KCNIP4: variants seen among roughly 807,000 people sequenced by gnomAD.
The protein encoded by KCNIP4 is potassium voltage-gated channel interacting protein 4.
In KCNIP4, 12 loss-of-function variants were observed where a neutral mutation model predicts 34.0. The ratio of observed to expected loss-of-function variants is 0.35; its 90% CI spans 0.23 to 0.57. KCNIP4 has a LOEUF of 0.57. Ranked by LOEUF, KCNIP4 falls within the 20% of genes least tolerant of loss-of-function variation. The pLI, the probability that KCNIP4 is intolerant of heterozygous loss-of-function variation, is 0.83. For missense variants in KCNIP4, 238 were observed against 311.7 expected, an observed-to-expected ratio of 0.76 and a Z score of 1.78; for synonymous variants, 124 against 102.2, an observed-to-expected ratio of 1.21 and a Z score of -1.29.
intron 3 of KCNIP4, among the ~76,000 whole-genome samples, chr4:20,835,632 C>A (rs11944918): frequency 0.02 from 3,070 of 151,900 alleles, 82 homozygotes; most frequent in African/African-American, 0.051. Flanking sequence ...TGCTGGTGAC[C>A]CTTAAATATG....
intron 1 of KCNIP4, among the ~76,000 whole-genome samples, chr4:21,214,938 A>C (rs778189248): frequency 6.6e-6 from 1 of 152,178 alleles, no homozygotes; most frequent in Non-Finnish European, 1.5e-5. Context: ...GCAATTTTTC[A>C]TTATGAGTTT....
At chr4:21,412,961 CA>C (rs1724635100) in intron 1 of KCNIP4, among the ~76,000 whole-genome samples, 1 of 152,148 alleles carries the variant, frequency 6.6e-6, no homozygotes, top group South Asian at 2.1e-4. Flanking sequence ...CACATTGCCT[CA>C]GGGGGAGCTT....
At chr4:20,903,546 A>G (rs1362604494) in intron 1 of KCNIP4, among the ~76,000 whole-genome samples, 4 of 152,208 alleles carry the variant, frequency 2.6e-5, no homozygotes, top group East Asian at 3.9e-4. Context: ...GACAAACCCA[A>G]CCAATTGCCA....
chr4:21,374,444 A>C (rs1720785123), intron 1 of KCNIP4, among the ~76,000 whole-genome samples: 1 of 147,090 alleles, frequency 6.8e-6, no homozygotes, highest in Non-Finnish European at 1.5e-5. Flanking sequence ...TATGCGGGAA[A>C]CCATACCCAT....
intron 1 of KCNIP4, among the ~76,000 whole-genome samples, chr4:21,903,452 C>T (rs909109633): frequency 6.6e-6 from 1 of 152,080 alleles, no homozygotes; most frequent in Admixed American, 6.6e-5. Context: ...AAGATTAGTG[C>T]AGAAAAGACT....
chr4:21,445,709 C>T (rs953701115), intron 1 of KCNIP4, among the ~76,000 whole-genome samples: 14 of 152,150 alleles, frequency 9.2e-5, no homozygotes, highest in African/African-American at 1.4e-4. Context: ...AGGACATAGG[C>T]GTGGGCAAAG....
intron 5 of KCNIP4, among the ~76,000 whole-genome samples, chr4:20,736,845 C>T (rs1475729149): frequency 6.6e-6 from 1 of 152,020 alleles, no homozygotes; most frequent in Non-Finnish European, 1.5e-5. Flanking sequence ...CCTGAATAGC[C>T]CAGTCAATTT....
At position 20,879,821 on chromosome 4, in the gene KCNIP4, G is replaced by A. The variant is rs1338706832; in HGVS notation, c.163+2787C>T. On this transcript the variant is annotated intron_variant, in intron 2 of 8. Transcript: ENST00000382152. ...AAAATTTTCTAATATAAATTGGGAA[G>A]CTTGCATTCAGATAAATCAGTTCTT... Among the ~76,000 whole-genome samples, 4 of 152,166 alleles carry A rather than the reference G, an allele frequency of 2.6e-5. No homozygotes were observed. The East Asian group carries it at 7.7e-4, about 29-fold the overall frequency.
At chr4:21,195,623 A>C (rs1339977429) in intron 1 of KCNIP4, among the ~76,000 whole-genome samples, 1 of 152,254 alleles carries the variant, frequency 6.6e-6, no homozygotes, top group Non-Finnish European at 1.5e-5. Context: ...GGAAACATTC[A>C]GTGCCATTCA....
At chr4:21,268,359 A>C (rs961341001) in intron 1 of KCNIP4, among the ~76,000 whole-genome samples, 2 of 152,232 alleles carry the variant, frequency 1.3e-5, no homozygotes, top group Non-Finnish European at 2.9e-5. Flanking sequence ...CAACTGAAGC[A>C]CAGAGGCCTT....
At chr4:21,078,466 C>G (rs369080049) in intron 1 of KCNIP4, among the ~76,000 whole-genome samples, 9 of 151,496 alleles carry the variant, frequency 5.9e-5, no homozygotes, top group African/African-American at 1.7e-4. Flanking sequence ...CTCATATTCT[C>G]AGAGAGAGAG....
intron 1 of KCNIP4, among the ~76,000 whole-genome samples, chr4:21,309,839 G>A (rs1560278594): frequency 6.6e-6 from 1 of 152,188 alleles, no homozygotes; most frequent in African/African-American, 2.4e-5. Context: ...AAGAAAGTAT[G>A]GAAAGTACCA....
intron 1 of KCNIP4, among the ~76,000 whole-genome samples, chr4:20,945,871 G>C (rs1266781337): frequency 6.6e-6 from 1 of 152,174 alleles, no homozygotes; most frequent in Non-Finnish European, 1.5e-5. Context: ...CAGGTTAGAG[G>C]TGAGCAGCCC....
chr4:21,946,993 A>C (rs1471943095), intron 1 of KCNIP4, among the ~76,000 whole-genome samples: 1 of 152,174 alleles, frequency 6.6e-6, no homozygotes, highest in Non-Finnish European at 1.5e-5. Flanking sequence ...TGATGGAAGA[A>C]CAGGTACAGT....
intron 1 of KCNIP4, among the ~76,000 whole-genome samples, chr4:21,864,255 A>T (rs760430372): frequency 6.6e-6 from 1 of 152,246 alleles, no homozygotes; most frequent in Non-Finnish European, 1.5e-5. Flanking sequence ...ATTCTGCATA[A>T]ACCCAAAATA....
At chr4:21,257,065 CAT>C (rs1333036994) in intron 1 of KCNIP4, among the ~76,000 whole-genome samples, 1 of 152,140 alleles carries the variant, frequency 6.6e-6, no homozygotes, top group African/African-American at 2.4e-5. Flanking sequence ...AATAAATAAA[CAT>C]TTGTTGAATT....
chr4:21,241,066 A>G (rs1178986649), intron 1 of KCNIP4, among the ~76,000 whole-genome samples: 2 of 152,186 alleles, frequency 1.3e-5, no homozygotes, highest in Non-Finnish European at 2.9e-5. Flanking sequence ...GGCATACTAC[A>G]GAGTCACTAC....
At chr4:21,271,898 G>A (rs536141049) in intron 1 of KCNIP4, among the ~76,000 whole-genome samples, 161 of 152,318 alleles carry the variant, frequency 1.1e-3, no homozygotes, top group African/African-American at 3.6e-3. Flanking sequence ...GGGCAAGGCA[G>A]AGAGGTAAAA....
intron 1 of KCNIP4, among the ~76,000 whole-genome samples, chr4:21,194,878 G>A (rs530881318): frequency 6.6e-6 from 1 of 152,112 alleles, no homozygotes. Flanking sequence ...TTATTTCAAG[G>A]TTTATTTGTT....
Sources: allele counts gnomAD v4.1 joint callset (sites outside exome capture counted in the v4.1 genomes callset), GRCh38; gene constraint gnomAD v4.1.1; transcripts MANE v1.5; gene names NCBI Gene and HGNC (gene_info 2026-07-23, HGNC 2026-07-21).